IARS2: variants seen among roughly 807,000 people sequenced by gnomAD.
The protein encoded by IARS2 is isoleucyl-tRNA synthetase 2, mitochondrial.
Under a neutral mutation model 126.3 loss-of-function variants are expected in IARS2, and 56 were observed. The observed-to-expected ratio is 0.44, with a 90% CI of 0.36 to 0.55. The LOEUF (loss-of-function observed/expected upper bound fraction) is 0.55, where lower values mean the gene tolerates loss of function less well. Among genes scored for constraint, IARS2 ranks in the 20% least tolerant of loss-of-function variants. The pLI is 0.00. For missense variants in IARS2, 1,127 were observed against 1,245.9 expected, an observed-to-expected ratio of 0.90 and a Z score of 1.44; for synonymous variants, 407 against 441.1, an observed-to-expected ratio of 0.92 and a Z score of 0.97.
At chr1:220,124,183 A>T (rs1407972166) in intron 12 of IARS2, among the ~76,000 whole-genome samples, 1 of 152,262 alleles carries the variant, frequency 6.6e-6, no homozygotes, top group African/African-American at 2.4e-5. Context: ...ACAAAGCTAC[A>T]ATAATAAATT....
intron 12 of IARS2, among the ~76,000 whole-genome samples, chr1:220,120,983 A>G (rs1657040566): frequency 6.6e-6 from 1 of 152,162 alleles, no homozygotes; most frequent in Non-Finnish European, 1.5e-5. Flanking sequence ...TCTAAATATT[A>G]GTGAGACTTG....
chr1:220,134,241 A>G (rs370127563), intron 14 of IARS2, among the ~76,000 whole-genome samples, 161 bp from the exon 15 acceptor site: 81 of 152,182 alleles, frequency 5.3e-4, no homozygotes, highest in African/African-American at 1.9e-3. Flanking sequence ...GTGATGTGTA[A>G]CTTTGGTCAC....
At chr1:220,126,463 C>A (rs1657158958) in intron 13 of IARS2, among the ~76,000 whole-genome samples, 1 of 152,114 alleles carries the variant, frequency 6.6e-6, no homozygotes, top group African/African-American at 2.4e-5. Context: ...GTAGAGTTAG[C>A]TGATTGTATC....
chr1:220,140,493 C>T (rs991830530), intron 19 of IARS2, among the ~76,000 whole-genome samples: 2 of 152,242 alleles, frequency 1.3e-5, no homozygotes, highest in South Asian at 2.1e-4. Context: ...GCACGAGAAT[C>T]GCTTGAACTT....
intron 11 of IARS2, 119 bp downstream of exon 11, chr1:220,111,056 G>T: frequency 1.1e-6 from 1 of 899,976 alleles, no homozygotes; most frequent in Non-Finnish European, 1.7e-6. Flanking sequence ...TTATGATTTA[G>T]TTTCATAACA....
chr1:220,137,999 A>G lies in IARS2; in HGVS notation c.2131A>G (p.Ile711Val), dbSNP rs376499862. ...TTCCAATGTCTTCACCGAAGTTGCAATTGGCCCATCCGTGCTCAATGCTGC... is the reference window on the plus strand; with the variant it reads ...TTCCAATGTCTTCACCGAAGTTGCAGTTGGCCCATCCGTGCTCAATGCTGC... ...ADSNVFTEVA[I>V]GPSVLNAARD... is the part of the protein sequence containing the mutation. Residue 711 changes from isoleucine to valine, a missense_variant, in exon 17 of 23, where the codon ATT becomes GTT. Coordinates refer to ENST00000366922, the MANE Select transcript of IARS2 (RefSeq NM_018060.4). 51 of 1,614,040 alleles carry G rather than the reference A, an allele frequency of 3.2e-5. No homozygotes were observed. Among genetic ancestry groups the G allele is most frequent in the Middle Eastern group, 1.6e-4 (1 of 6,084 alleles).
chr1:220,126,985 TAG>T, intron 14 of IARS2, 142 bp downstream of exon 14: 1 of 569,650 alleles, frequency 1.8e-6, no homozygotes, highest in Non-Finnish European at 3.0e-6. Context: ...GAAAGACCCT[TAG>T]AGTTTACTTA....
intron 8 of IARS2, among the ~76,000 whole-genome samples, chr1:220,105,206 C>T (rs899148368): frequency 2.0e-5 from 3 of 152,202 alleles, no homozygotes; most frequent in African/African-American, 7.2e-5. Flanking sequence ...TCCCAAAGTG[C>T]TGCAATTACA....
rs772314680 is a variant in IARS2 at position 220,143,039 on chromosome 1, C to T, written c.2656C>T (p.Arg886Ter). ...AGCTGTGGAGAGTGCGTGTGCAATG[C>T]GAGACTCATTTCTTGGAAGCATCCC... ...EEAVESACAM[R>*]DSFLGSIPGK... is the part of the protein sequence containing the mutation. Residue 886 changes from arginine to a stop codon, truncating the protein, a stop_gained, in exon 21 of 23, where the codon CGA (arginine) becomes TGA (stop). Transcript: ENST00000366922. LOFTEE classifies it high-confidence loss of function. 2.1e-5 allele frequency: 34 copies of T among 1,614,016 alleles called. No individual in the cohort carries two copies. The highest frequency in any genetic ancestry group is 2.3e-5 in the Non-Finnish European group (27 of 1,179,938).
Position 220,139,044 on chromosome 1 carries a change from G to A in IARS2, c.2212G>A (p.Ala738Thr). ...ACTTCGCTTTCTTTTGGGAAATGTG[G>A]CTGATTTCAACCCAGAAACAGATTC... is the stretch of plus-strand genomic sequence containing the variant. The part of the protein sequence containing the change: ...NTLRFLLGNV[A>T]DFNPETDSIP... The change falls in exon 18 of 23, where the codon GCT becomes ACT. Residue 738 changes from alanine (A) to threonine (T), a missense_variant. Coordinates refer to ENST00000366922, the MANE Select transcript of IARS2 (RefSeq NM_018060.4). 6.2e-7 allele frequency: 1 copy of A among 1,613,516 alleles called. No individual in the cohort carries two copies. Among genetic ancestry groups the A allele is most frequent in the Non-Finnish European group, 8.5e-7 (1 of 1,179,634 alleles).
chr1:220,094,528 C>T, intron 1 of IARS2, 45 bp downstream of exon 1: 3 of 1,485,100 alleles, frequency 2.0e-6, no homozygotes, highest in Non-Finnish European at 2.7e-6. Flanking sequence ...AGGCCCGATC[C>T]GGCCGCGGGC....
chr1:220,142,526 G>A (rs1406980579), intron 20 of IARS2, among the ~76,000 whole-genome samples: 1 of 152,136 alleles, frequency 6.6e-6, no homozygotes, highest in Non-Finnish European at 1.5e-5. Flanking sequence ...TATATTTTAG[G>A]TTGTATTAAA....
rs985442702 is a variant in IARS2, at chr1:220,110,993, G to A, written c.1479+56G>A. The A allele has an allele frequency of 3.9e-6, 6 of 1,521,930 alleles. No homozygotes were observed. In the African/African-American group the frequency reaches 5.6e-5, roughly 14 times the overall value. 94.3% of individuals were successfully genotyped at this position (1,521,930 alleles called of 1,614,324 possible). A position where few individuals can be genotyped will look rare whatever the true frequency, so the allele number is the denominator to read the frequency against. ...GGCATATCATTCCCTCAGTATAAAGGGGCTGCATGTGAGGTTGAGGTGGGG... is the reference window on the plus strand; with the variant it reads ...GGCATATCATTCCCTCAGTATAAAGAGGCTGCATGTGAGGTTGAGGTGGGG... On this transcript the variant is annotated intron_variant, in intron 11 of 22. Coordinates refer to ENST00000366922, the MANE Select transcript of IARS2 (RefSeq NM_018060.4).
intron 20 of IARS2, 78 bp downstream of exon 20, chr1:220,142,026 A>G (rs1657501696): frequency 6.5e-6 from 9 of 1,379,536 alleles, no homozygotes; most frequent in South Asian, 2.6e-5. Context: ...TCTGCTTCAT[A>G]AAAGGGGCAC....
At chr1:220,128,140 G>A (rs1040657037) in intron 14 of IARS2, among the ~76,000 whole-genome samples, 1 of 151,170 alleles carries the variant, frequency 6.6e-6, no homozygotes, top group Admixed American at 6.6e-5. Context: ...AGTATTCTCA[G>A]GATTTGAAAC....
rs771710450 is a variant in IARS2, at chr1:220,138,057, T to C, written c.2175+14T>C. 6.2e-7 allele frequency: 1 copy of C among 1,610,712 alleles called. No individual in the cohort carries two copies. On this transcript the variant is annotated intron_variant, in intron 17 of 22. Transcript: ENST00000366922. ...GATATTAGCAAGGTTAGAACTATTA[T>C]TCTTCCTATTTCTAAAGGACAAGTT...
chr1:220,124,821 A>C (rs1363651181), intron 12 of IARS2, among the ~76,000 whole-genome samples: 1 of 152,206 alleles, frequency 6.6e-6, no homozygotes, highest in Non-Finnish European at 1.5e-5. Flanking sequence ...GGTAGGAGGA[A>C]GTACTCTCAG....
intron 12 of IARS2, among the ~76,000 whole-genome samples, chr1:220,119,290 G>A (rs1656989297): frequency 6.6e-6 from 1 of 152,024 alleles, no homozygotes; most frequent in South Asian, 2.1e-4. Context: ...TAAAGTACAA[G>A]GTTTTATGAT....
chr1:220,134,449 G>A lies in IARS2; in HGVS notation c.1885G>A (p.Gly629Arg), dbSNP rs754840461. The change falls in exon 15 of 23, where the codon GGG (glycine) becomes AGG (arginine). Residue 629 changes from glycine to arginine, a missense_variant. By Grantham distance (125) the Gly-to-Arg change is moderately radical (BLOSUM62 -2). Coordinates refer to ENST00000366922, the MANE Select transcript of IARS2 (RefSeq NM_018060.4). Reference protein sequence around the residue: ...DLYLEGKDQLGGWFQSSLLTS... With the variant: ...DLYLEGKDQLRGWFQSSLLTS... The stretch of plus-strand genomic sequence containing the variant: ...GTACTTGGAAGGAAAAGACCAGCTC[G>A]GGGGTTGGTTTCAGTCATCCTTATT... The A allele has an allele frequency of 1.1e-5, 17 of 1,613,122 alleles. No individual in the cohort carries two copies. The highest frequency in any genetic ancestry group is 6.7e-5 in the East Asian group (3 of 44,834).
Sources: gnomAD v4.1 joint callset for allele counts (sites outside exome capture counted in the v4.1 genomes callset) on GRCh38, gnomAD v4.1.1 for gene constraint, MANE v1.5 for transcripts, NCBI Gene and HGNC (gene_info 2026-07-23, HGNC 2026-07-21) for gene names.